The following CEP128 variants were observed in gnomAD, a reference collection of about 807,000 sequenced individuals.
The protein encoded by CEP128 is centrosomal protein 128kDa.
In CEP128, 132 loss-of-function variants were observed where a neutral mutation model predicts 156.7. The observed-to-expected ratio is 0.84, with a 90% CI of 0.73 to 0.97. CEP128 has a LOEUF of 0.97. Ranked by LOEUF, CEP128 falls within the 50% of genes least tolerant of loss-of-function variation. The pLI is 0.00. For synonymous variants in CEP128, 469 were observed against 448.9 expected (o/e 1.04, Z -0.57); for missense variants, 1,252 against 1,281.9 (o/e 0.98, Z 0.36).
rs1490344052 is a variant in CEP128, at chr14:80,785,162, A to G, written c.1944T>C (p.Ala648=). The G allele has an allele frequency of 6.2e-7, 1 of 1,614,158 alleles. No individual in the cohort carries two copies. Among genetic ancestry groups the G allele is most frequent in the Non-Finnish European group, 8.5e-7 (1 of 1,180,002 alleles). The part of the protein sequence containing the change: ...KDLSAIRADL[A]NKLAEEERAK... ...CTCTCTCTTCCTCAGCCAATTTATT[A>G]GCAAGATCTGCTCGGATGGCACTCA... The change falls in exon 15 of 25, where the codon GCT becomes GCC. Residue 648 remains alanine, a synonymous_variant. Transcript: ENST00000555265.
chr14:80,862,642 A>G, intron 9 of CEP128, 115 bp downstream of exon 9: 1 of 727,990 alleles, frequency 1.4e-6, no homozygotes. Context: ...AATATGTGAT[A>G]TTAATACTTC....
intron 19 of CEP128, among the ~76,000 whole-genome samples, chr14:80,694,750 G>C (rs929380419): frequency 1.1e-4 from 17 of 151,768 alleles, no homozygotes; most frequent in African/African-American, 3.6e-4. Context: ...GGCCTGTCAG[G>C]GGGTAGGGGG....
At chr14:80,763,009 T>A (rs1900048045) in intron 16 of CEP128, among the ~76,000 whole-genome samples, 1 of 152,180 alleles carries the variant, frequency 6.6e-6, no homozygotes, top group Non-Finnish European at 1.5e-5. Flanking sequence ...ATGAGACTCA[T>A]AACTACCATA....
intron 16 of CEP128, among the ~76,000 whole-genome samples, chr14:80,776,241 A>T (rs1389997807): frequency 6.6e-6 from 1 of 152,204 alleles, no homozygotes; most frequent in South Asian, 2.1e-4. Flanking sequence ...TTCATAAATT[A>T]GAATTTTATT....
intron 19 of CEP128, among the ~76,000 whole-genome samples, chr14:80,638,445 C>G (rs1462448402): frequency 1.3e-5 from 2 of 152,090 alleles, no homozygotes; most frequent in Admixed American, 6.5e-5. Context: ...TCTATGGGCA[C>G]AGAGGACCTG....
chr14:80,831,875 CA>C (rs908951487), intron 12 of CEP128, among the ~76,000 whole-genome samples: 7 of 152,144 alleles, frequency 4.6e-5, no homozygotes, highest in African/African-American at 1.4e-4. Flanking sequence ...AATATAAGGA[CA>C]AATAACAAAA....
chr14:80,678,447 T>C (rs1228381292), intron 19 of CEP128, among the ~76,000 whole-genome samples: 1 of 151,646 alleles, frequency 6.6e-6, no homozygotes, highest in South Asian at 2.1e-4. Context: ...AAATGGCAGA[T>C]TAGAGGCTTT....
chr14:80,877,412 A>G (rs1320555725), intron 8 of CEP128, among the ~76,000 whole-genome samples: 1 of 152,230 alleles, frequency 6.6e-6, no homozygotes, highest in Non-Finnish European at 1.5e-5. Flanking sequence ...TCTATAAAAT[A>G]GCATGAAAGA....
At position 80,526,999 on chromosome 14, in the gene CEP128, G is replaced by T; in HGVS notation, c.2959-17C>A. 1.2e-6 allele frequency: 1 copy of T among 859,422 alleles called. No individual in the cohort carries two copies. The highest frequency in any genetic ancestry group is 1.9e-6 in the Non-Finnish European group (1 of 535,324). The allele number at this position is 859,422 out of a possible 1,614,324, so 53.2% of individuals were successfully genotyped here. ...GCAGGAATCCTGGAAAAAAAAAAAAGCAAAGGGTCTGAACTGGTAGATGAA... is the reference window on the plus strand; with the variant it reads ...GCAGGAATCCTGGAAAAAAAAAAAATCAAAGGGTCTGAACTGGTAGATGAA... On this transcript the variant is annotated splice_polypyrimidine_tract_variant and intron_variant, in intron 22 of 24. Transcript: ENST00000555265.
chr14:80,709,909 G>A (rs1352939163), intron 19 of CEP128, among the ~76,000 whole-genome samples: 1 of 151,572 alleles, frequency 6.6e-6, no homozygotes, highest in Non-Finnish European at 1.5e-5. Flanking sequence ...AATGGCAAAT[G>A]AGTAAATTAT....
rs138345864 is a variant in CEP128, at chr14:80,581,919, G to A, written c.2807-1496C>T. 4.7e-3 allele frequency among the ~76,000 whole-genome samples: 714 copies of A among 152,258 alleles called. 3 individuals carry two copies. The highest frequency in any genetic ancestry group is 0.016 in the African/African-American group (684 of 41,538). Reference sequence around the variant, plus strand: ...TGCTTCACTTCTTGCATCTGGGCTGGCCTCCTGACTTGATTTGGTGAATAG... The same window carrying A: ...TGCTTCACTTCTTGCATCTGGGCTGACCTCCTGACTTGATTTGGTGAATAG... On this transcript the variant is annotated intron_variant, in intron 19 of 24. Coordinates refer to ENST00000555265, the MANE Select transcript of CEP128 (RefSeq NM_152446.5).
intron 6 of CEP128, 77 bp downstream of exon 6, chr14:80,904,736 G>T: frequency 3.5e-6 from 3 of 855,568 alleles, no homozygotes; most frequent in Non-Finnish European, 4.0e-6. Flanking sequence ...TAGCCTTAAA[G>T]TTCAAGCATT....
intron 19 of CEP128, among the ~76,000 whole-genome samples, chr14:80,703,764 C>T (rs906652698): frequency 2.6e-5 from 4 of 151,944 alleles, no homozygotes; most frequent in African/African-American, 4.8e-5. Flanking sequence ...CTGAATTTCA[C>T]TAGTTTTTAC....
intron 16 of CEP128, among the ~76,000 whole-genome samples, chr14:80,776,601 A>G (rs567793072): frequency 2.7e-5 from 4 of 150,172 alleles, no homozygotes; most frequent in African/African-American, 9.7e-5. Flanking sequence ...AAAAGCGGAA[A>G]TGTAAGCAAA....
chr14:80,908,684 GCCTGTGTATT>G (rs1238135574), intron 4 of CEP128, among the ~76,000 whole-genome samples: 1 of 152,052 alleles, frequency 6.6e-6, no homozygotes, highest in Non-Finnish European at 1.5e-5. Flanking sequence ...ATTCTCTTAT[GCCTGTGTATT>G]CTTTATCATG....
At chr14:80,876,699 A>C (rs1348076131) in intron 8 of CEP128, among the ~76,000 whole-genome samples, 1 of 151,940 alleles carries the variant, frequency 6.6e-6, no homozygotes, top group Non-Finnish European at 1.5e-5. Flanking sequence ...AATAGAGGGA[A>C]AATGGCCCAT....
chr14:80,813,751 A>G (rs1034063200), intron 13 of CEP128, among the ~76,000 whole-genome samples: 2 of 152,186 alleles, frequency 1.3e-5, no homozygotes, highest in Admixed American at 6.5e-5. Flanking sequence ...AGTTTTATAA[A>G]TAATCTAAAT....
At position 80,769,600 on chromosome 14, in the gene CEP128, G is replaced by A. The variant is rs1036245787; in HGVS notation, c.2377-7987C>T. On this transcript the variant is annotated intron_variant, in intron 16 of 24. Transcript: ENST00000555265. ...AGGACATGAACTCATCCTTTTTTACGGCTGCATAGTATTCCATGGTGTATA... is the reference window on the plus strand; with the variant it reads ...AGGACATGAACTCATCCTTTTTTACAGCTGCATAGTATTCCATGGTGTATA... Among the ~76,000 whole-genome samples the A allele has an allele frequency of 2.6e-5, 4 of 151,862 alleles. No homozygotes were observed. The East Asian group carries it at 5.8e-4, about 22-fold the overall frequency.
chr14:80,542,400 GCAGAATT>G (rs1889805553), intron 21 of CEP128, among the ~76,000 whole-genome samples: 2 of 152,078 alleles, frequency 1.3e-5, no homozygotes, highest in Admixed American at 1.3e-4. Flanking sequence ...TATTTTAAAT[GCAGAATT>G]TAAAAATCGA....
Sources: allele counts gnomAD v4.1 joint callset (sites outside exome capture counted in the v4.1 genomes callset), GRCh38; gene constraint gnomAD v4.1.1; transcripts MANE v1.5; gene names NCBI Gene and HGNC (gene_info 2026-07-23, HGNC 2026-07-21).